The following OR8B8 variants were observed in gnomAD, a reference collection of about 807,000 sequenced individuals.
OR8B8 encodes the protein olfactory receptor 8B8.
In OR8B8, 8 loss-of-function variants were observed where a neutral mutation model predicts 10.5. That is an observed-to-expected ratio of 0.76 (90% confidence interval 0.45 to 1.38). The LOEUF is 1.38. Among genes scored for constraint, OR8B8 ranks in the 40% most tolerant of loss-of-function variants. The probability of loss-of-function intolerance (pLI) is 0.00; values close to 1 mark genes in which losing one functional copy is unlikely to be tolerated. For synonymous variants in OR8B8, 150 were observed against 145.2 expected, an observed-to-expected ratio of 1.03 and a Z score of -0.24; for missense variants, 390 against 380.5, an observed-to-expected ratio of 1.03 and a Z score of -0.21.
At position 124,441,032 on chromosome 11, in the gene OR8B8, A is replaced by C. The variant is rs1861469379; in HGVS notation, c.54T>G (p.Thr18=). The change falls in exon 3 of 3, where the codon ACT becomes ACG. Residue 18 remains threonine (T), a synonymous_variant. Transcript: ENST00000642064. The part of the protein sequence containing the change: ...FVTQFILAGL[T]DQPGVQIPLF... ...GGGGGATCTGGACTCCCGGTTGGTC[A>C]GTTAAGCCTGCGAGGATAAACTGTG... The C allele has an allele frequency of 3.1e-6, 5 of 1,613,484 alleles. No homozygotes were observed. Among genetic ancestry groups the C allele is most frequent in the Non-Finnish European group, 3.4e-6 (4 of 1,180,026 alleles).
Position 124,441,489 on chromosome 11 carries a change from T to A in OR8B8, c.-18A>T. ...GTGGACTTCCCAGAGCTTTAGTACC[T>A]GAGACTGGGGACTCGGGAAAAGTTC... On this transcript the variant is annotated splice_region_variant and 5_prime_UTR_variant, in exon 2 of 3. The change creates a premature stop within an existing upstream ORF in the 5' untranslated region. Transcript: ENST00000642064. 5.7e-6 allele frequency: 1 copy of A among 175,840 alleles called. No homozygotes were observed. The highest frequency in any genetic ancestry group is 1.2e-5 in the Non-Finnish European group (1 of 81,112). 10.9% of individuals were successfully genotyped at this position (175,840 alleles called of 1,614,324 possible).
Position 124,440,492 on chromosome 11 carries a change from T to C in OR8B8, c.594A>G (p.Val198=), listed in dbSNP as rs778707029. ...ACTSTYVNEL[V]VFVVVGIDIG... is the part of the protein sequence containing the mutation. Reference sequence around the variant, plus strand: ...TATCAATGCCCACAACAACAAACACTACAAGCTCATTCACATAGGTGCTGG... The same window carrying C: ...TATCAATGCCCACAACAACAAACACCACAAGCTCATTCACATAGGTGCTGG... The change falls in exon 3 of 3, where the codon GTA becomes GTG. Residue 198 remains valine (V), a synonymous_variant. Coordinates refer to ENST00000642064, the MANE Select transcript of OR8B8 (RefSeq NM_012378.2). The C allele has an allele frequency of 2.5e-5, 40 of 1,614,066 alleles. No homozygotes were observed. The highest frequency in any genetic ancestry group is 3.0e-5 in the Non-Finnish European group (35 of 1,180,042).
In OR8B8 at chr11:124,438,435, C is replaced by G. The variant is rs532293841; in HGVS notation, c.*1715G>C. The G allele has an allele frequency of 6.6e-6, 1 of 152,190 alleles. No individual in the cohort carries two copies. The highest frequency in any genetic ancestry group is 6.5e-5 in the Admixed American group (1 of 15,282). 9.4% of individuals were successfully genotyped at this position (152,190 alleles called of 1,614,324 possible). ...AAGAGAATCTTCCTAAAGAGAGACTCGTAAGTCAACACATTTTCACAGCAT... is the reference window on the plus strand; with the variant it reads ...AAGAGAATCTTCCTAAAGAGAGACTGGTAAGTCAACACATTTTCACAGCAT... On this transcript the variant is annotated 3_prime_UTR_variant, in exon 3 of 3. Coordinates refer to ENST00000642064, the MANE Select transcript of OR8B8 (RefSeq NM_012378.2).
At chr11:124,442,258 GT>G (rs1471450639) in intron 1 of OR8B8, among the ~76,000 whole-genome samples, 7 of 152,148 alleles carry the variant, frequency 4.6e-5, no homozygotes. Flanking sequence ...CAGATTTGGT[GT>G]TCTTAATAAC....
intron 1 of OR8B8, among the ~76,000 whole-genome samples, chr11:124,444,772 A>G (rs1861511304): frequency 6.6e-6 from 1 of 152,208 alleles, no homozygotes. Context: ...GACATAAAAC[A>G]AATATGAAAT....
Position 124,440,755 on chromosome 11 carries a change from C to CA in OR8B8, c.330dup (p.Glu111Ter). ...GCCATTGCTGACAGGATGAAGGACT[C>CA]AGAGACAACAAAGAAAAGAAAGAAG... On this transcript the variant is annotated frameshift_variant, in exon 3 of 3. Transcript: ENST00000642064. LOFTEE classifies it high-confidence loss of function. 6.2e-7 allele frequency: 1 copy of CA among 1,614,120 alleles called. No homozygotes were observed. Among genetic ancestry groups the CA allele is most frequent in the Non-Finnish European group, 8.5e-7 (1 of 1,180,018 alleles).
At position 124,439,050 on chromosome 11, in the gene OR8B8, C is replaced by T. The variant is rs1016707110; in HGVS notation, c.*1100G>A. The stretch of plus-strand genomic sequence containing the variant: ...ATCTGTGAAACCATGCAAAAAGTAC[C>T]CCACATGGTTTCTGCTGCATGCAGC... On this transcript the variant is annotated 3_prime_UTR_variant, in exon 3 of 3. Transcript: ENST00000642064. 1 of 152,252 alleles carries T rather than the reference C, an allele frequency of 6.6e-6. No individual in the cohort carries two copies. Among genetic ancestry groups the T allele is most frequent in the Middle Eastern group, 3.2e-3 (1 of 316 alleles). The allele number at this position is 152,252 out of a possible 1,614,324, so 9.4% of individuals were successfully genotyped here.
Position 124,438,552 on chromosome 11 carries a change from G to A in OR8B8, c.*1598C>T, listed in dbSNP as rs934243261. On this transcript the variant is annotated 3_prime_UTR_variant, in exon 3 of 3. Transcript: ENST00000642064. ...ACCTTCCTTTATACAGTACCATTAG[G>A]CTGTGGGCTTATAAACCTGAGCCAT... 6.6e-6 allele frequency: 1 copy of A among 152,092 alleles called. No homozygotes were observed. The highest frequency in any genetic ancestry group is 2.4e-5 in the African/African-American group (1 of 41,388). The allele number at this position is 152,092 out of a possible 1,614,324, so 9.4% of individuals were successfully genotyped here. A position where few individuals can be genotyped will look rare whatever the true frequency, so the allele number is the denominator to read the frequency against.
Position 124,445,582 on chromosome 11 carries a change from G to C in OR8B8, c.-159C>G, listed in dbSNP as rs192936543. ...GGGTAACATTTGAACATACCTCAGA[G>C]CTTGCTCCTCTGCCACATGTGGAAT... On this transcript the variant is annotated 5_prime_UTR_variant, in exon 1 of 3. Coordinates refer to ENST00000642064, the MANE Select transcript of OR8B8 (RefSeq NM_012378.2). The C allele has an allele frequency of 0.015, 2,284 of 151,958 alleles. 52 individuals are homozygous for C. The highest frequency in any genetic ancestry group is 0.083 in the South Asian group (396 of 4,790). 9.4% of individuals were successfully genotyped at this position (151,958 alleles called of 1,614,324 possible). A position where few individuals can be genotyped will look rare whatever the true frequency, so the allele number is the denominator to read the frequency against.
In OR8B8 at chr11:124,440,898, A is replaced by G. The variant is rs1428391917; in HGVS notation, c.188T>C (p.Leu63Pro). 6.2e-7 allele frequency: 1 copy of G among 1,614,148 alleles called. No individual in the cohort carries two copies. The highest frequency in any genetic ancestry group is 8.5e-7 in the Non-Finnish European group (1 of 1,180,012). The change falls in exon 3 of 3, where the codon CTC becomes CCC. Residue 63 changes from leucine to proline, a missense_variant. Transcript: ENST00000642064. ...GAAATCTATGAAGGACAAGTTATAG[A>G]GGAAGAAGTACATAGGGGTGTGCAA... ...SHLHTPMYFF[L>P]YNLSFIDFCY... is the part of the protein sequence containing the mutation.
At chr11:124,444,809 G>A (rs946759052) in intron 1 of OR8B8, among the ~76,000 whole-genome samples, 1 of 152,180 alleles carries the variant, frequency 6.6e-6, no homozygotes, top group African/African-American at 2.4e-5. Context: ...TGGCATGAGG[G>A]AAGGAAAAAT....
At position 124,437,626 on chromosome 11, in the gene OR8B8, T is replaced by TTGTGTGTGTG. The variant is rs66912990; in HGVS notation, c.*2514_*2523dup. 4.9e-4 allele frequency: 71 copies of TTGTGTGTGTG among 144,004 alleles called. No individual in the cohort carries two copies. The highest frequency in any genetic ancestry group is 9.5e-4 in the South Asian group (4 of 4,226). The allele number at this position is 144,004 out of a possible 1,614,324, so 8.9% of individuals were successfully genotyped here. A position where few individuals can be genotyped will look rare whatever the true frequency, so the allele number is the denominator to read the frequency against. On this transcript the variant is annotated 3_prime_UTR_variant, in exon 3 of 3. Transcript: ENST00000642064. The stretch of plus-strand genomic sequence containing the variant: ...AGGTGGGGGAGGTCTCTCTCAGACT[T>TTGTGTGTGTG]TGTGTGTGTGTGTGTGTGTGTGTGT...
At chr11:124,443,395 G>T (rs1034942051) in intron 1 of OR8B8, among the ~76,000 whole-genome samples, 1 of 152,192 alleles carries the variant, frequency 6.6e-6, no homozygotes, top group African/African-American at 2.4e-5. Flanking sequence ...CATGGTCAGA[G>T]TTGTGGGGAG....
chr11:124,441,915 G>C (rs1861479546), intron 1 of OR8B8, among the ~76,000 whole-genome samples: 1 of 152,202 alleles, frequency 6.6e-6, no homozygotes, highest in South Asian at 2.1e-4. Flanking sequence ...ATATAACAAA[G>C]TTGTGCTCAT....
At chr11:124,441,158 C>T (rs1405402318) in intron 2 of OR8B8, 57 bp from the exon 3 acceptor site, 5 of 1,080,040 alleles carry the variant, frequency 4.6e-6, no homozygotes, top group Non-Finnish European at 6.7e-6. Context: ...TGCTGCCCTC[C>T]CAGTCATCCC....
chr11:124,440,396 G>A lies in OR8B8; in HGVS notation c.690C>T (p.Ser230=). The change falls in exon 3 of 3, where the codon TCC becomes TCT. Residue 230 remains serine, a synonymous_variant. Coordinates refer to ENST00000642064, the MANE Select transcript of OR8B8 (RefSeq NM_012378.2). ...TGAAGGCTTTGGACCTGCCCTCCGT[G>A]GAATCAATGTGGAAGATGCTGGAGA... ...LILSSIFHID[S]TEGRSKAFST... is the part of the protein sequence containing the mutation. 1 of 1,614,176 alleles carries A rather than the reference G, an allele frequency of 6.2e-7. No homozygotes were observed. Among genetic ancestry groups the A allele is most frequent in the Non-Finnish European group, 8.5e-7 (1 of 1,180,030 alleles).
chr11:124,440,269 C>G lies in OR8B8; in HGVS notation c.817G>C (p.Val273Leu). 6.2e-7 allele frequency: 1 copy of G among 1,614,136 alleles called. No individual in the cohort carries two copies. Residue 273 changes from valine to leucine, a missense_variant, in exon 3 of 3, where the codon GTG becomes CTG. Physicochemically the swap from Val to Leu is conservative, Grantham distance 32. Coordinates refer to ENST00000642064, the MANE Select transcript of OR8B8 (RefSeq NM_012378.2). ...FSLLAMNQGK[V>L]SSLFYTTVVP... is the part of the protein sequence containing the mutation. ...ACAGTGGTATAGAATAGGGAAGACACCTTGCCCTGGTTCATAGCTAAAAGA... is the reference window on the plus strand; with the variant it reads ...ACAGTGGTATAGAATAGGGAAGACAGCTTGCCCTGGTTCATAGCTAAAAGA...
rs1861435942 is a variant in OR8B8 at position 124,439,203 on chromosome 11, A to G, written c.*947T>C. On this transcript the variant is annotated 3_prime_UTR_variant, in exon 3 of 3. Coordinates refer to ENST00000642064, the MANE Select transcript of OR8B8 (RefSeq NM_012378.2). ...CTCCAGATCCATAACTGACCACCCT[A>G]GGCGGTGGACTTCTCCATCTTGAAG... 1 of 152,340 alleles carries G rather than the reference A, an allele frequency of 6.6e-6. No individual in the cohort carries two copies. The highest frequency in any genetic ancestry group is 6.5e-5 in the Admixed American group (1 of 15,282). 9.4% of individuals were successfully genotyped at this position (152,340 alleles called of 1,614,324 possible).
At chr11:124,442,443 T>G (rs888899577) in intron 1 of OR8B8, among the ~76,000 whole-genome samples, 1 of 152,226 alleles carries the variant, frequency 6.6e-6, no homozygotes, top group African/African-American at 2.4e-5. Flanking sequence ...ATGGAGGACA[T>G]TCAACCTATC....
Sources: allele counts gnomAD v4.1 joint callset (sites outside exome capture counted in the v4.1 genomes callset), GRCh38; gene constraint gnomAD v4.1.1; transcripts MANE v1.5; gene names NCBI Gene and HGNC (gene_info 2026-07-23, HGNC 2026-07-21).